Variants in MFSD11 observed in about 807,000 individuals in gnomAD.
The protein encoded by MFSD11 is UNC93-like protein MFSD11.
MFSD11 carries 36 observed loss-of-function variants against 53.5 expected under a neutral mutation model. The ratio of observed to expected loss-of-function variants is 0.67; its 90% CI spans 0.52 to 0.89. The LOEUF (loss-of-function observed/expected upper bound fraction) is 0.89. Among genes scored for constraint, MFSD11 ranks in the 40% least tolerant of loss-of-function variants. The pLI, the probability that MFSD11 is intolerant of heterozygous loss-of-function variation, is 0.00. For missense variants in MFSD11, 530 were observed against 543.9 expected (o/e 0.97, Z 0.25); for synonymous variants, 186 against 184.9 (o/e 1.01, Z -0.05).
chr17:76,770,031 CT>C (rs367900405), intron 10 of MFSD11, among the ~76,000 whole-genome samples, 160 bp downstream of exon 10: 237 of 131,050 alleles, frequency 1.8e-3, no homozygotes, highest in East Asian at 5.4e-3. Flanking sequence ...TATTCTTTTT[CT>C]TTTTTTTTTT....
rs762518283 is a variant in MFSD11 at position 76,775,057 on chromosome 17, T to C, written c.935T>C (p.Leu312Pro). Residue 312 changes from leucine (L) to proline (P), a missense_variant, in exon 11 of 13, where the codon CTG becomes CCG. Leu to Pro is a moderately conservative substitution (Grantham distance 98). Transcript: ENST00000685175. ...CGTTTTGGTAGAAATCCAGTTGTGC[T>C]GTTGGGCATCCTGGTGCACTTCATA... is the stretch of plus-strand genomic sequence containing the variant. ...NNRFGRNPVV[L>P]LGILVHFIAF... The C allele has an allele frequency of 9.3e-6, 15 of 1,614,152 alleles. No individual in the cohort carries two copies. Among genetic ancestry groups the C allele is most frequent in the East Asian group, 2.2e-5 (1 of 44,886 alleles).
At chr17:76,796,712 CCTGTAATCCCAG>C in the MFSD11 span, among the ~76,000 whole-genome samples, 1 of 151,534 alleles carries the variant, frequency 6.6e-6, no homozygotes, top group Non-Finnish European at 1.5e-5. Context: ...GTGGCTCATG[CCTGTAATCCCAG>C]CACTTTGGAG....
At chr17:76,792,061 C>A in the MFSD11 span, among the ~76,000 whole-genome samples, 1 of 148,584 alleles carries the variant, frequency 6.7e-6, no homozygotes, top group Non-Finnish European at 1.5e-5. Context: ...CCTTCCAAAG[C>A]GAATTTTCTC....
chr17:76,744,545 G>T (rs2078382892), intron 7 of MFSD11, 79 bp downstream of exon 7: 5 of 1,304,650 alleles, frequency 3.8e-6, no homozygotes, highest in East Asian at 2.5e-5. Flanking sequence ...AACCCGTTTA[G>T]CCCTAACTGA....
At chr17:76,741,879 G>A (rs950953014) in intron 3 of MFSD11, 90 bp from the exon 4 acceptor site, 1 of 1,582,532 alleles carries the variant, frequency 6.3e-7, no homozygotes, top group African/African-American at 1.4e-5. Context: ...TTTAAAAGAA[G>A]AGAATGTCAG....
At chr17:76,779,471 T>A (rs79031431), downstream of MFSD11, among the ~76,000 whole-genome samples, 10,267 of 151,890 alleles carry the variant, frequency 0.068, 1,155 homozygotes, top group African/African-American at 0.23. Context: ...AAGTCTTTTT[T>A]AAAATTTATT....
chr17:76,764,435 A>T (rs1458115717), intron 8 of MFSD11, among the ~76,000 whole-genome samples: 1 of 152,014 alleles, frequency 6.6e-6, no homozygotes, highest in African/African-American at 2.4e-5. Context: ...CCCGGCAACC[A>T]CTATGCTACT....
At chr17:76,775,712 G>A (rs892940180) in intron 11 of MFSD11, among the ~76,000 whole-genome samples, 2 of 152,088 alleles carry the variant, frequency 1.3e-5, no homozygotes, top group Non-Finnish European at 2.9e-5. Context: ...ACTTTTCAAG[G>A]GCCAACATGA....
chr17:76,767,515 C>T, intron 9 of MFSD11, 64 bp downstream of exon 9: 1 of 1,020,558 alleles, frequency 9.8e-7, no homozygotes, highest in Non-Finnish European at 1.5e-6. Flanking sequence ...TGAAAACGAG[C>T]CACGTTATTA....
chr17:76,772,787 A>ATT (rs1180232106), intron 10 of MFSD11, among the ~76,000 whole-genome samples: 1 of 152,138 alleles, frequency 6.6e-6, no homozygotes, highest in East Asian at 1.9e-4. Flanking sequence ...AAGTGCTGGA[A>ATT]TTACAGGCAT....
chr17:76,744,948 C>T (rs539844257), intron 7 of MFSD11, among the ~76,000 whole-genome samples: 50 of 152,318 alleles, frequency 3.3e-4, no homozygotes, highest in Non-Finnish European at 5.3e-4. Flanking sequence ...GTGTCCGGCT[C>T]TTGCACTAAC....
intron 9 of MFSD11, among the ~76,000 whole-genome samples, chr17:76,768,885 T>C (rs2081117455): frequency 6.6e-6 from 1 of 151,084 alleles, no homozygotes; most frequent in Admixed American, 6.6e-5. Context: ...CTTGGGAGGC[T>C]GAGGCAAGGA....
the MFSD11 span, among the ~76,000 whole-genome samples, chr17:76,792,122 C>CG: frequency 2.4e-5 from 3 of 126,776 alleles, no homozygotes; most frequent in African/African-American, 1.1e-4. Flanking sequence ...ATACCAGGCA[C>CG]CCTTTTTTTT....
At chr17:76,762,852 TAG>T (rs2080420845) in intron 8 of MFSD11, among the ~76,000 whole-genome samples, 1 of 151,750 alleles carries the variant, frequency 6.6e-6, no homozygotes, top group Admixed American at 6.6e-5. Flanking sequence ...ACAAGCTATT[TAG>T]ATAAACTCCC....
intron 7 of MFSD11, among the ~76,000 whole-genome samples, chr17:76,745,843 T>TTTA (rs1305670393): frequency 2.7e-4 from 17 of 62,206 alleles, no homozygotes; most frequent in South Asian, 1.0e-3. Flanking sequence ...TTATTTATTT[T>TTTA]TTGAGACGGA....
At chr17:76,790,940 CAA>C in the MFSD11 span, among the ~76,000 whole-genome samples, 16 of 113,414 alleles carry the variant, frequency 1.4e-4, no homozygotes, top group Non-Finnish European at 1.5e-4. Context: ...GACTCCATCT[CAA>C]AAAAAAAAAA....
chr17:76,789,458 T>C, the MFSD11 span, among the ~76,000 whole-genome samples: 1 of 150,100 alleles, frequency 6.7e-6, no homozygotes, highest in South Asian at 2.2e-4. Flanking sequence ...GAAGGTCATA[T>C]ACCAGTTAAA....
chr17:76,742,726 G>C (rs1003580670), intron 5 of MFSD11, among the ~76,000 whole-genome samples: 12 of 151,966 alleles, frequency 7.9e-5, no homozygotes, highest in Admixed American at 3.3e-4. Flanking sequence ...GGCTGGTCTC[G>C]AACTCCTGAC....
chr17:76,762,756 G>A (rs917830202), intron 8 of MFSD11, among the ~76,000 whole-genome samples: 1 of 152,020 alleles, frequency 6.6e-6, no homozygotes, highest in Non-Finnish European at 1.5e-5. Flanking sequence ...ACCACTAGAG[G>A]GTAATTGACA....
Sources: gnomAD v4.1 joint callset for allele counts (sites outside exome capture counted in the v4.1 genomes callset) on GRCh38, gnomAD v4.1.1 for gene constraint, MANE v1.5 for transcripts, NCBI Gene and HGNC (gene_info 2026-07-23, HGNC 2026-07-21) for gene names.